Variants in NFATC1 observed in about 807,000 individuals in gnomAD.
NFATC1 encodes the protein nuclear factor of activated T cells 1.
In NFATC1, 22 loss-of-function variants were observed where a neutral mutation model predicts 76.0. The ratio of observed to expected loss-of-function variants is 0.29; its 90% CI spans 0.21 to 0.41. The LOEUF (loss-of-function observed/expected upper bound fraction) is 0.41, where lower values mean the gene tolerates loss of function less well. Among genes scored for constraint, NFATC1 ranks in the 10% least tolerant of loss-of-function variants. NFATC1 has a pLI of 1.00. For missense variants in NFATC1, 1,357 were observed against 1,337.7 expected (o/e 1.01, Z -0.23); for synonymous variants, 704 against 613.1 (o/e 1.15, Z -2.19).
At chr18:79,474,139 C>A (rs1171092873) in intron 8 of NFATC1, among the ~76,000 whole-genome samples, 1 of 125,956 alleles carries the variant, frequency 7.9e-6, no homozygotes, top group Non-Finnish European at 1.6e-5. Flanking sequence ...TCGCTGTCGA[C>A]GTTGTAAACC....
chr18:79,493,391 T>G (rs1398937144), intron 9 of NFATC1: 1 of 152,236 alleles, frequency 6.6e-6, no homozygotes, highest in Non-Finnish European at 1.5e-5. Context: ...TCCTCCAGCC[T>G]CGTGAGGACA....
intron 8 of NFATC1, among the ~76,000 whole-genome samples, chr18:79,483,876 C>T (rs1198443870): frequency 7.1e-6 from 1 of 140,708 alleles, no homozygotes; most frequent in African/African-American, 2.7e-5. Flanking sequence ...TCCAGCGTGA[C>T]GTGGTTCCTG....
chr18:79,516,337 A>G (rs918095818), intron 9 of NFATC1, among the ~76,000 whole-genome samples: 7 of 152,132 alleles, frequency 4.6e-5, no homozygotes, highest in Admixed American at 3.3e-4. Context: ...AAAATAAGTG[A>G]AGGCTGAAAT....
At position 79,465,029 on chromosome 18, in the gene NFATC1, G is replaced by A. The variant is rs1339295929; in HGVS notation, c.1960-2421G>A. ...TGTGCATATTTTGTGAACAAAATGGGATGTGCTGTGTCTACGGTTTTTGTA... is the reference window on the plus strand; with the variant it reads ...TGTGCATATTTTGTGAACAAAATGGAATGTGCTGTGTCTACGGTTTTTGTA... On this transcript the variant is annotated intron_variant, in intron 7 of 9. Transcript: ENST00000427363. The surrounding 1 kb of genome is among the most constrained non-coding windows in gnomAD (Gnocchi z 4.2). Among the ~76,000 whole-genome samples the A allele has an allele frequency of 1.3e-5, 2 of 152,072 alleles. No homozygotes were observed. The highest frequency in any genetic ancestry group is 2.9e-5 in the Non-Finnish European group (2 of 68,036).
In NFATC1 at chr18:79,524,737, G is replaced by A. The variant is rs1430418418; in HGVS notation, c.2783-2791G>A. Among the ~76,000 whole-genome samples the A allele has an allele frequency of 1.3e-5, 2 of 152,056 alleles. No individual in the cohort carries two copies. Among genetic ancestry groups the A allele is most frequent in the East Asian group, 1.9e-4 (1 of 5,184 alleles). ...GTGGTGGCCCCCGACGGGAACCTGG[G>A]TGGCCGGGGGACACACCGAGGAACT... On this transcript the variant is annotated intron_variant, in intron 9 of 9. Coordinates refer to ENST00000427363, the MANE Select transcript of NFATC1 (RefSeq NM_001278669.2). The surrounding 1 kb of genome is among the most constrained non-coding windows in gnomAD (Gnocchi z 7.2).
intron 2 of NFATC1, among the ~76,000 whole-genome samples, chr18:79,414,772 G>C (rs974134080): frequency 6.6e-6 from 1 of 152,186 alleles, no homozygotes; most frequent in Non-Finnish European, 1.5e-5. Flanking sequence ...TTCCCGCCTT[G>C]CTTCTTTCCA....
At position 79,451,704 on chromosome 18, in the gene NFATC1, G is replaced by T. The variant is rs1260866732; in HGVS notation, c.1791G>T (p.Leu597=). 6.2e-7 allele frequency: 1 copy of T among 1,612,226 alleles called. No individual in the cohort carries two copies. The highest frequency in any genetic ancestry group is 1.3e-5 in the African/African-American group (1 of 74,984). ...CSQRSAQELP[L]VEKQSTDSYP... is the part of the protein sequence containing the mutation. ...AGCGCTCAGCTCAGGAGCTGCCTCT[G>T]GTGGAGAAGCAGAGCACGGACAGCT... Residue 597 remains leucine, a synonymous_variant, in exon 6 of 10, where the codon CTG becomes CTT. Coordinates refer to ENST00000427363, the MANE Select transcript of NFATC1 (RefSeq NM_001278669.2).
At chr18:79,472,857 G>A (rs991638597) in intron 8 of NFATC1, among the ~76,000 whole-genome samples, 1 of 152,244 alleles carries the variant, frequency 6.6e-6, no homozygotes, top group Admixed American at 6.5e-5. Flanking sequence ...GACTTTCCAT[G>A]TGTCGGCTGT....
Position 79,489,195 on chromosome 18 carries a change from C to T in NFATC1, c.2782+2258C>T, listed in dbSNP as rs549995068. Among the ~76,000 whole-genome samples the T allele has an allele frequency of 1.5e-4, 23 of 152,348 alleles. 1 individual carries two copies. Among genetic ancestry groups the T allele is most frequent in the South Asian group, 1.2e-3 (6 of 4,828 alleles). ...GGCCACAGAGGGTGGGCTGTTGTGT[C>T]GCTGAGTGCACAGGCTAGGGATGTT... On this transcript the variant is annotated intron_variant, in intron 9 of 9. Transcript: ENST00000427363.
chr18:79,507,191 T>TCAGGCCCTCC (rs2090137090), intron 9 of NFATC1, among the ~76,000 whole-genome samples: 1 of 152,222 alleles, frequency 6.6e-6, no homozygotes, highest in Non-Finnish European at 1.5e-5. Flanking sequence ...ACAGGCCCTA[T>TCAGGCCCTCC]CAGGCCCTCC....
intron 1 of NFATC1, among the ~76,000 whole-genome samples, chr18:79,401,041 C>A (rs1488986509): frequency 2.1e-5 from 3 of 140,122 alleles, no homozygotes; most frequent in Non-Finnish European, 3.1e-5. Flanking sequence ...TGACCCCAGC[C>A]TTTTCTTTCA....
chr18:79,464,698 A>ATATAT (rs1329123171), intron 7 of NFATC1, among the ~76,000 whole-genome samples: 4 of 94,876 alleles, frequency 4.2e-5, no homozygotes, highest in African/African-American at 2.2e-4. Flanking sequence ...ATATATATTT[A>ATATAT]TTTATTTATT....
chr18:79,474,542 A>G (rs112055587), intron 8 of NFATC1, among the ~76,000 whole-genome samples: 6,894 of 138,930 alleles, frequency 0.05, 34 homozygotes, highest in African/African-American at 0.16. Flanking sequence ...CACTGTCGAC[A>G]TTGTGAGGGA....
intron 8 of NFATC1, among the ~76,000 whole-genome samples, chr18:79,476,715 G>C (rs888919454): frequency 3.3e-5 from 5 of 152,228 alleles, no homozygotes. Flanking sequence ...GGATGGGTGT[G>C]GGGGCAAAGT....
At chr18:79,425,682 TGAG>T (rs2086303942) in intron 2 of NFATC1, among the ~76,000 whole-genome samples, 1 of 152,082 alleles carries the variant, frequency 6.6e-6, no homozygotes, top group Non-Finnish European at 1.5e-5. Flanking sequence ...GGGCGACTCA[TGAG>T]GAGAGTGTTT....
chr18:79,485,066 T>C (rs544482609), intron 8 of NFATC1, among the ~76,000 whole-genome samples: 4 of 152,336 alleles, frequency 2.6e-5, no homozygotes, highest in Admixed American at 2.0e-4. Flanking sequence ...TGCAGGAGGC[T>C]GCCAGGCTCT....
chr18:79,410,917 C>G lies in NFATC1; in HGVS notation c.642C>G (p.Thr214=), dbSNP rs758837196. ...PWQSPCVSPK[T]TDPEEGFPRG... ...AGTCTCCCTGCGTGTCTCCCAAGACCACGGACCCCGAGGAGGGCTTTCCCC... is the reference window on the plus strand; with the variant it reads ...AGTCTCCCTGCGTGTCTCCCAAGACGACGGACCCCGAGGAGGGCTTTCCCC... The change falls in exon 2 of 10, where the codon ACC becomes ACG. Residue 214 remains threonine (T), a synonymous_variant. Transcript: ENST00000427363. This position sits in a 1 kb window ranked among gnomAD's most constrained non-coding sequence, Gnocchi z 6.7. 1.9e-6 allele frequency: 3 copies of G among 1,606,706 alleles called. No homozygotes were observed. Among genetic ancestry groups the G allele is most frequent in the Non-Finnish European group, 2.5e-6 (3 of 1,177,754 alleles).
intron 3 of NFATC1, among the ~76,000 whole-genome samples, chr18:79,434,333 T>C (rs536959007): frequency 1.3e-5 from 2 of 152,206 alleles, no homozygotes; most frequent in Non-Finnish European, 2.9e-5. Context: ...TGTGGCTTCC[T>C]CACCTTCCTC....
chr18:79,473,625 T>C lies in NFATC1; in HGVS notation c.2092+6043T>C, dbSNP rs57873078. 4.4e-3 allele frequency among the ~76,000 whole-genome samples: 267 copies of C among 61,344 alleles called. 9 individuals are homozygous for C. The highest frequency in any genetic ancestry group is 0.016 in the African/African-American group (213 of 13,478). The allele number at this position is 61,344 out of a possible 152,430, so 40.2% of individuals were successfully genotyped here. On this transcript the variant is annotated intron_variant, in intron 8 of 9. Coordinates refer to ENST00000427363, the MANE Select transcript of NFATC1 (RefSeq NM_001278669.2). The stretch of plus-strand genomic sequence containing the variant: ...GGAAGCGTGTTCTCACACTCACTGT[T>C]GACGTTGCAAGGGAAGCGTGTTCTC...
Sources: allele counts gnomAD v4.1 joint callset (sites outside exome capture counted in the v4.1 genomes callset), GRCh38; gene constraint gnomAD v4.1.1; non-coding constraint Gnocchi (gnomAD v3.1); transcripts MANE v1.5; gene names NCBI Gene and HGNC (gene_info 2026-07-23, HGNC 2026-07-21).